HMCN2: variants seen among roughly 807,000 people sequenced by gnomAD.
HMCN2 encodes the protein hemicentin-2.
Under a neutral mutation model 377.5 loss-of-function variants are expected in HMCN2, and 325 were observed. That is an observed-to-expected ratio of 0.86 (90% CI 0.79 to 0.94). The LOEUF (loss-of-function observed/expected upper bound fraction) is 0.94. Ranked by LOEUF, HMCN2 falls within the 40% of genes least tolerant of loss-of-function variation. HMCN2 has a pLI of 0.00. For synonymous variants in HMCN2, 2,007 were observed against 2,046.8 expected (o/e 0.98, Z 0.53); for missense variants, 4,543 against 4,725.3 (o/e 0.96, Z 1.13).
chr9:130,303,454 G>T lies in HMCN2; in HGVS notation c.1422-33G>T. The T allele has an allele frequency of 2.3e-6, 1 of 429,064 alleles. No individual in the cohort carries two copies. Among genetic ancestry groups the T allele is most frequent in the South Asian group, 1.7e-5 (1 of 59,580 alleles). The allele number at this position is 429,064 out of a possible 1,614,324, so 26.6% of individuals were successfully genotyped here. ...GGGGACCCTGAGTGGGGGTCAGTGTGATTGTGTGTCTCCCACTGTTCCCTG... is the reference window on the plus strand; with the variant it reads ...GGGGACCCTGAGTGGGGGTCAGTGTTATTGTGTGTCTCCCACTGTTCCCTG... On this transcript the variant is annotated intron_variant, in intron 9 of 97. Transcript: ENST00000683500. The surrounding 1 kb of genome is among the most constrained non-coding windows in gnomAD (Gnocchi z 5.2).
chr9:130,343,394 C>T (rs1839168885), intron 25 of HMCN2, among the ~76,000 whole-genome samples: 1 of 152,138 alleles, frequency 6.6e-6, no homozygotes, highest in Non-Finnish European at 1.5e-5. Context: ...CCCTGGAAGG[C>T]CCCAGAAAAG....
In HMCN2 at chr9:130,414,792, T is replaced by G. The variant is rs1391437282; in HGVS notation, c.12962-3980T>G. 6.6e-6 allele frequency among the ~76,000 whole-genome samples: 1 copy of G among 151,942 alleles called. No individual in the cohort carries two copies. Among genetic ancestry groups the G allele is most frequent in the Non-Finnish European group, 1.5e-5 (1 of 67,986 alleles). On this transcript the variant is annotated intron_variant, in intron 85 of 97. Coordinates refer to ENST00000683500, the MANE Select transcript of HMCN2 (RefSeq NM_001291815.2). The surrounding 1 kb of genome is among the most constrained non-coding windows in gnomAD (Gnocchi z 4.4). ...TAATTTTTATTTTTATGTATTTATT[T>G]TTTGTAGAGACAGGGTCTCCTTATG...
chr9:130,373,707 A>AGATGGATGGATGGATGGATG (rs942219791), intron 48 of HMCN2, among the ~76,000 whole-genome samples: 7,990 of 115,328 alleles, frequency 0.069, 952 homozygotes, highest in Middle Eastern at 0.12. Context: ...ATGGATAGGT[A>AGATGGATGGATGGATGGATG]GATGGATGGA....
At chr9:130,346,078 G>A (rs931544373) in intron 25 of HMCN2, among the ~76,000 whole-genome samples, 7 of 152,156 alleles carry the variant, frequency 4.6e-5, no homozygotes, top group Admixed American at 1.3e-4. Flanking sequence ...CTGATGACCA[G>A]CGGTAGCAGC....
At chr9:130,404,799 C>T in intron 80 of HMCN2, 70 bp from the exon 81 acceptor site, 3 of 1,107,534 alleles carry the variant, frequency 2.7e-6, no homozygotes, top group Non-Finnish European at 3.4e-6. Flanking sequence ...GGCCAAAGGC[C>T]AAGGGCCCCA....
Position 130,428,372 on chromosome 9 carries a change from G to A in HMCN2, c.14080G>A (p.Ala4694Thr), listed in dbSNP as rs1418075344. 1 of 1,547,686 alleles carries A rather than the reference G, an allele frequency of 6.5e-7. No homozygotes were observed. The highest frequency in any genetic ancestry group is 2.4e-5 in the East Asian group (1 of 40,902). The change falls in exon 93 of 98, where the codon GCG (alanine) becomes ACG (threonine). Residue 4694 changes from alanine (A) to threonine (T), a missense_variant. Physicochemically the swap from Ala to Thr is moderately conservative, Grantham distance 58. Around this residue, in one of 5 missense-constraint regions of HMCN2, gnomAD observed 1,155 missense variants for 1,157.7 expected, o/e 1.00. Transcript: ENST00000683500. This position sits in a 1 kb window ranked among gnomAD's most constrained non-coding sequence, Gnocchi z 5.0. ...TCTGCCCCCAGATGTGGACGAGTGT[G>A]CGTGGGATGCTCACCTCTGCCGAGA... ...DRNCRDVDEC[A>T]WDAHLCREGQ...
chr9:130,312,810 C>T (rs1309441482), intron 15 of HMCN2, among the ~76,000 whole-genome samples: 8 of 151,222 alleles, frequency 5.3e-5, no homozygotes, highest in Non-Finnish European at 1.0e-4. Context: ...GGATTAGAGG[C>T]GTGCGTCACC....
chr9:130,363,251 T>A (rs569900740), intron 40 of HMCN2, among the ~76,000 whole-genome samples: 5 of 152,156 alleles, frequency 3.3e-5, no homozygotes, highest in South Asian at 4.1e-4. Context: ...GGAAGGGGTG[T>A]GAAGTAGCAG....
intron 34 of HMCN2, among the ~76,000 whole-genome samples, chr9:130,357,459 T>G (rs1588301313): frequency 7.0e-6 from 1 of 142,882 alleles, no homozygotes; most frequent in Non-Finnish European, 1.5e-5. Context: ...GATGGATGGG[T>G]GGGTGGATGG....
In HMCN2 at chr9:130,400,710, T is replaced by A. The variant is rs1322822173; in HGVS notation, c.11606-73T>A. On this transcript the variant is annotated intron_variant, in intron 76 of 97. Transcript: ENST00000683500. Reference sequence around the variant, plus strand: ...ACTGATGTCACCTTGTGTACTAGCTTTACCCCCTGGCCCTGTGGCCGTGAG... The same window carrying A: ...ACTGATGTCACCTTGTGTACTAGCTATACCCCCTGGCCCTGTGGCCGTGAG... 2.6e-6 allele frequency: 3 copies of A among 1,143,486 alleles called. No homozygotes were observed. In the African/African-American group the frequency reaches 4.9e-5, roughly 19 times the overall value. The allele number at this position is 1,143,486 out of a possible 1,614,324, so 70.8% of individuals were successfully genotyped here.
chr9:130,326,750 A>C (rs1236256798), intron 21 of HMCN2, among the ~76,000 whole-genome samples: 1 of 152,104 alleles, frequency 6.6e-6, no homozygotes, highest in Non-Finnish European at 1.5e-5. Flanking sequence ...CAAGGTAGAA[A>C]GGCGGAGGCG....
chr9:130,370,571 C>T (rs948973908), intron 45 of HMCN2, among the ~76,000 whole-genome samples: 3 of 152,262 alleles, frequency 2.0e-5, no homozygotes, highest in African/African-American at 7.2e-5. Context: ...TTCAGAACTG[C>T]AGCGTTGCCA....
At chr9:130,289,344 G>C (rs575573994) in intron 4 of HMCN2, among the ~76,000 whole-genome samples, 2 of 152,152 alleles carry the variant, frequency 1.3e-5, no homozygotes, top group South Asian at 4.1e-4. Flanking sequence ...GGAAGATGGG[G>C]GGGTGAGGGG....
Position 130,278,015 on chromosome 9 carries a change from T to C in HMCN2, c.260-6588T>C, listed in dbSNP as rs1170684546. Among the ~76,000 whole-genome samples, 3 of 34,214 alleles carry C rather than the reference T, an allele frequency of 8.8e-5. 1 individual carries two copies. Among genetic ancestry groups the C allele is most frequent in the Non-Finnish European group, 1.4e-4 (3 of 21,122 alleles). 22.4% of individuals were successfully genotyped at this position (34,214 alleles called of 152,430 possible). A position where few individuals can be genotyped will look rare whatever the true frequency, so the allele number is the denominator to read the frequency against. On this transcript the variant is annotated intron_variant, in intron 1 of 97. Transcript: ENST00000683500. The stretch of plus-strand genomic sequence containing the variant: ...ATCATCACCACCACCACCATCATCA[T>C]CACCACCACCACGATCATCACCACC...
intron 87 of HMCN2, among the ~76,000 whole-genome samples, chr9:130,424,152 CAT>C (rs34210773): frequency 0.29 from 38,911 of 135,542 alleles, 6,018 homozygotes; most frequent in Middle Eastern, 0.41. Flanking sequence ...GGCTAATGTC[CAT>C]ATATATATAT....
In HMCN2 at chr9:130,369,181, TA is replaced by T. The variant is rs1564823752; in HGVS notation, c.6788-384del. Among the ~76,000 whole-genome samples the T allele has an allele frequency of 1.3e-5, 2 of 152,150 alleles. No individual in the cohort carries two copies. The highest frequency in any genetic ancestry group is 2.9e-5 in the Non-Finnish European group (2 of 68,024). On this transcript the variant is annotated intron_variant, in intron 44 of 97. Coordinates refer to ENST00000683500, the MANE Select transcript of HMCN2 (RefSeq NM_001291815.2). The surrounding 1 kb of genome is among the most constrained non-coding windows in gnomAD (Gnocchi z 4.5). ...GATGAAATGAAATCCCCCAGCCTGG[TA>T]AAAATCCTGCTAGAAAATAAAACCA...
intron 21 of HMCN2, among the ~76,000 whole-genome samples, 165 bp from the exon 22 acceptor site, chr9:130,327,145 C>T (rs1440735693): frequency 6.6e-6 from 1 of 152,118 alleles, no homozygotes; most frequent in Non-Finnish European, 1.5e-5. Context: ...CACCTCCAAT[C>T]TGGACTCCCC....
chr9:130,419,910 G>A (rs546644742), intron 86 of HMCN2, among the ~76,000 whole-genome samples: 9 of 152,192 alleles, frequency 5.9e-5, no homozygotes, highest in African/African-American at 1.7e-4. Context: ...CTTTCTGGCC[G>A]TTGCTCTCAT....
rs569216658 is a variant in HMCN2 at position 130,420,032 on chromosome 9, G to A, written c.13231+991G>A. On this transcript the variant is annotated intron_variant, in intron 86 of 97. Transcript: ENST00000683500. ...TCAGAGTTAGCCTTGGGTCTAAGCA[G>A]ACCCCCATGTATTTCAGGGCTTCGT... Among the ~76,000 whole-genome samples the A allele has an allele frequency of 2.7e-5, 4 of 148,364 alleles. No homozygotes were observed. In the Admixed American group the frequency reaches 2.7e-4, roughly 10 times the overall value.
Sources: gnomAD v4.1 joint callset for allele counts (sites outside exome capture counted in the v4.1 genomes callset) on GRCh38, gnomAD v4.1.1 for gene constraint, gnomAD v4.1.1 regional missense constraint, Gnocchi (gnomAD v3.1) non-coding constraint, MANE v1.5 for transcripts, NCBI Gene and HGNC (gene_info 2026-07-23, HGNC 2026-07-21) for gene names.